ATP10B: variants seen among roughly 807,000 people sequenced by gnomAD.
The protein encoded by ATP10B is ATPase phospholipid transporting 10B (putative).
ATP10B carries 122 observed loss-of-function variants against 141.2 expected under a neutral mutation model. The observed-to-expected ratio is 0.86, with a 90% CI of 0.75 to 1.00. The LOEUF is 1.00. ATP10B is among the 50% of genes least tolerant of loss of function. ATP10B has a pLI of 0.00. For synonymous variants in ATP10B, 685 were observed against 692.0 expected (o/e 0.99, Z 0.16); for missense variants, 1,876 against 1,825.3 (o/e 1.03, Z -0.51).
At chr5:160,815,327 G>A (rs1383573008) in intron 1 of ATP10B, among the ~76,000 whole-genome samples, 2 of 152,142 alleles carry the variant, frequency 1.3e-5, no homozygotes, top group Non-Finnish European at 2.9e-5. Context: ...AAAAAAAGCA[G>A]CAGTTGCAAT....
the ATP10B span, among the ~76,000 whole-genome samples, chr5:160,866,781 T>C: frequency 6.6e-6 from 1 of 152,074 alleles, no homozygotes; most frequent in Non-Finnish European, 1.5e-5. Flanking sequence ...ACATATTGGG[T>C]ACAGTATACA....
At chr5:160,887,292 A>G in the ATP10B span, among the ~76,000 whole-genome samples, 1 of 152,204 alleles carries the variant, frequency 6.6e-6, no homozygotes, top group South Asian at 2.1e-4. Flanking sequence ...TATATTACTT[A>G]TAATACCTAA....
At chr5:160,847,138 T>G (rs896869379) in intron 1 of ATP10B, among the ~76,000 whole-genome samples, 1 of 152,198 alleles carries the variant, frequency 6.6e-6, no homozygotes. Context: ...TCTGCATGAT[T>G]GCAAGCACAT....
upstream of ATP10B, among the ~76,000 whole-genome samples, chr5:160,855,674 T>C (rs1463446806): frequency 6.6e-6 from 1 of 151,940 alleles, no homozygotes; most frequent in African/African-American, 2.4e-5. Flanking sequence ...TGCATACTTC[T>C]AAATCTTAAA....
At chr5:160,606,720 A>C in intron 19 of ATP10B, 45 bp downstream of exon 19, 1 of 1,577,222 alleles carries the variant, frequency 6.3e-7, no homozygotes, top group African/African-American at 1.3e-5. Context: ...CTTTCATCAG[A>C]TCATCCCTGC....
At chr5:160,813,753 C>T (rs911295391) in intron 1 of ATP10B, among the ~76,000 whole-genome samples, 1 of 152,172 alleles carries the variant, frequency 6.6e-6, no homozygotes, top group African/African-American at 2.4e-5. Flanking sequence ...AGACTGACAC[C>T]TCACACGGCA....
chr5:160,901,016 G>C, the ATP10B span, among the ~76,000 whole-genome samples: 1 of 140,582 alleles, frequency 7.1e-6, no homozygotes, highest in Non-Finnish European at 1.6e-5. Flanking sequence ...TTGCTCTGAA[G>C]TTGTAGGAAA....
At chr5:160,838,714 GT>G (rs1561912238) in intron 1 of ATP10B, among the ~76,000 whole-genome samples, 1 of 152,088 alleles carries the variant, frequency 6.6e-6, no homozygotes, top group African/African-American at 2.4e-5. Context: ...AAATAAGAGG[GT>G]TAGGGACATT....
At chr5:160,617,744 T>TA in intron 16 of ATP10B, 120 bp downstream of exon 16, 2 of 884,016 alleles carry the variant, frequency 2.3e-6, no homozygotes, top group Non-Finnish European at 3.5e-6. Flanking sequence ...TCAGAACAGC[T>TA]AATCTTGAAA....
the ATP10B span, among the ~76,000 whole-genome samples, chr5:160,918,649 A>G: frequency 6.6e-6 from 1 of 152,156 alleles, no homozygotes; most frequent in Non-Finnish European, 1.5e-5. Context: ...GATGTTGGAG[A>G]GGCAGACACA....
At chr5:160,589,723 G>A in intron 23 of ATP10B, 27 bp from the exon 24 acceptor site, 3 of 1,533,802 alleles carry the variant, frequency 2.0e-6, no homozygotes, top group Non-Finnish European at 2.7e-6. Context: ...GACAGGCATT[G>A]TCAGGTATGT....
chr5:160,574,833 G>A lies in ATP10B; in HGVS notation c.3751-5150C>T, dbSNP rs578164496. 8.8e-4 allele frequency among the ~76,000 whole-genome samples: 126 copies of A among 143,638 alleles called. 2 individuals are homozygous for A. The Middle Eastern group carries it at 0.011, about 13-fold the overall frequency. The allele number at this position is 143,638 out of a possible 152,430, so 94.2% of individuals were successfully genotyped here. A position where few individuals can be genotyped will look rare whatever the true frequency, so the allele number is the denominator to read the frequency against. ...TTTTTTTTGTGCCCTTCCCAAAGATGCAGCAAGAGGACACCATTTGAAGCA... is the reference window on the plus strand; with the variant it reads ...TTTTTTTTGTGCCCTTCCCAAAGATACAGCAAGAGGACACCATTTGAAGCA... On this transcript the variant is annotated intron_variant, in intron 24 of 25. Transcript: ENST00000327245.
chr5:160,695,936 A>G (rs1397715801), intron 3 of ATP10B, among the ~76,000 whole-genome samples: 3 of 152,216 alleles, frequency 2.0e-5, no homozygotes, highest in Non-Finnish European at 4.4e-5. Context: ...AACAAATAAT[A>G]ACCACTGTAG....
intron 3 of ATP10B, among the ~76,000 whole-genome samples, chr5:160,715,061 T>C (rs1765520585): frequency 7.3e-6 from 1 of 137,452 alleles, no homozygotes; most frequent in African/African-American, 2.8e-5. Flanking sequence ...GTTACTGCTG[T>C]CTTTTTGTTT....
intron 22 of ATP10B, among the ~76,000 whole-genome samples, chr5:160,595,003 G>C (rs1306117301): frequency 2.0e-5 from 3 of 152,118 alleles, no homozygotes. Flanking sequence ...AAGTTAACAA[G>C]GATATCCAGG....
intron 11 of ATP10B, 150 bp from the exon 12 acceptor site, chr5:160,634,756 C>A (rs1759230876): frequency 2.4e-6 from 2 of 817,110 alleles, no homozygotes; most frequent in South Asian, 1.9e-5. Context: ...TGACCTCATG[C>A]ATCCCTTGGA....
chr5:160,834,169 C>CAA (rs1272400504), intron 1 of ATP10B, among the ~76,000 whole-genome samples: 1 of 151,730 alleles, frequency 6.6e-6, no homozygotes, highest in African/African-American at 2.4e-5. Flanking sequence ...ACTAAAAATA[C>CAA]AAAAAATTAG....
the ATP10B span, among the ~76,000 whole-genome samples, chr5:160,898,928 A>G: frequency 6.7e-6 from 1 of 150,194 alleles, no homozygotes; most frequent in Non-Finnish European, 1.5e-5. Context: ...TCTTACTCAT[A>G]AGTGGGGTTG....
At chr5:160,768,589 T>A (rs1769657824) in intron 2 of ATP10B, among the ~76,000 whole-genome samples, 1 of 152,194 alleles carries the variant, frequency 6.6e-6, no homozygotes, top group Non-Finnish European at 1.5e-5. Flanking sequence ...ATGTTATAAG[T>A]GCCCTGCCTA....
Sources: gnomAD v4.1 joint callset for allele counts (sites outside exome capture counted in the v4.1 genomes callset) on GRCh38, gnomAD v4.1.1 for gene constraint, MANE v1.5 for transcripts, NCBI Gene and HGNC (gene_info 2026-07-23, HGNC 2026-07-21) for gene names.